The following NAALADL2 variants were observed in gnomAD, a reference collection of about 807,000 sequenced individuals.
NAALADL2 encodes inactive N-acetylated-alpha-linked acidic dipeptidase-like protein 2.
A neutral mutation model predicts 87.2 loss-of-function variants in NAALADL2; 76 were observed. The observed-to-expected ratio is 0.87, with a 90% confidence interval of 0.72 to 1.05. NAALADL2 has a LOEUF of 1.05. NAALADL2 is among the 50% of genes least tolerant of loss of function. NAALADL2 has a pLI of 0.00. For synonymous variants in NAALADL2, 354 were observed against 331.0 expected (o/e 1.07, Z -0.75); for missense variants, 1,089 against 945.8 (o/e 1.15, Z -1.99).
At chr3:174,850,186 A>AT (rs1048877676) in intron 3 of NAALADL2, among the ~76,000 whole-genome samples, 14 of 149,464 alleles carry the variant, frequency 9.4e-5, no homozygotes, top group South Asian at 4.2e-4. Context: ...GGTTGGAAGT[A>AT]TTTTTTTTTT....
chr3:175,511,606 G>T (rs1278180525), intron 9 of NAALADL2, among the ~76,000 whole-genome samples: 2 of 152,136 alleles, frequency 1.3e-5, no homozygotes, highest in African/African-American at 2.4e-5. Flanking sequence ...CACCCACTGT[G>T]TGGTATTTCT....
chr3:175,697,406 C>CACACACACACACAG (rs1322590527), intron 11 of NAALADL2, among the ~76,000 whole-genome samples: 1 of 148,754 alleles, frequency 6.7e-6, no homozygotes, highest in Non-Finnish European at 1.5e-5. Context: ...CACAGACACA[C>CACACACACACACAG]ACACACACAC....
chr3:175,016,368 C>T (rs1049332119), intron 1 of NAALADL2, among the ~76,000 whole-genome samples: 4 of 150,454 alleles, frequency 2.7e-5, no homozygotes, highest in African/African-American at 9.8e-5. Context: ...AGTAGCATAT[C>T]TATTGACAAG....
intron 1 of NAALADL2, among the ~76,000 whole-genome samples, chr3:174,488,135 A>T (rs1187924385): frequency 6.6e-6 from 1 of 152,028 alleles, no homozygotes; most frequent in African/African-American, 2.4e-5. Context: ...AAATATTATC[A>T]TTCTCCTGCC....
At chr3:175,718,370 A>G (rs1351749893) in intron 11 of NAALADL2, 5 of 1,599,572 alleles carry the variant, frequency 3.1e-6, no homozygotes, top group South Asian at 1.1e-5. Context: ...TCTTGGGTCC[A>G]CCACTCCATT....
intron 11 of NAALADL2, among the ~76,000 whole-genome samples, chr3:175,634,586 T>A (rs112755629): frequency 1.3e-3 from 197 of 149,896 alleles, no homozygotes; most frequent in African/African-American, 4.8e-3. Context: ...TTCAAAAATG[T>A]TAATCAGGCT....
chr3:174,447,141 T>A (rs761193420), intron 1 of NAALADL2, among the ~76,000 whole-genome samples: 1 of 152,206 alleles, frequency 6.6e-6, no homozygotes, highest in Non-Finnish European at 1.5e-5. Context: ...AGGCTCTGTT[T>A]ACAGGAGTTA....
intron 3 of NAALADL2, among the ~76,000 whole-genome samples, chr3:174,766,653 G>A (rs141696933): frequency 4.0e-4 from 61 of 152,168 alleles, no homozygotes; most frequent in South Asian, 3.3e-3. Context: ...AACACTAATT[G>A]CTTCTCTATT....
chr3:174,482,802 CAT>C (rs1449008423), intron 1 of NAALADL2, among the ~76,000 whole-genome samples: 4 of 151,994 alleles, frequency 2.6e-5, no homozygotes, highest in Non-Finnish European at 5.9e-5. Flanking sequence ...TTGTCTGAGA[CAT>C]ATGTGACATA....
intron 5 of NAALADL2, among the ~76,000 whole-genome samples, chr3:175,360,932 ATATG>A (rs1043291630): frequency 6.6e-6 from 1 of 151,460 alleles, no homozygotes; most frequent in African/African-American, 2.4e-5. Flanking sequence ...GGTTTGTTAA[ATATG>A]TATACATGTG....
intron 2 of NAALADL2, among the ~76,000 whole-genome samples, chr3:175,150,024 A>T (rs1174440489): frequency 6.6e-6 from 1 of 152,178 alleles, no homozygotes; most frequent in Non-Finnish European, 1.5e-5. Context: ...CACAGTTATT[A>T]TCATGCTACT....
intron 10 of NAALADL2, among the ~76,000 whole-genome samples, chr3:175,626,838 C>T (rs986597341): frequency 2.4e-4 from 37 of 151,810 alleles, no homozygotes; most frequent in African/African-American, 6.8e-4. Context: ...TCTAAGTCTA[C>T]GTGTGTTTCA....
intron 2 of NAALADL2, among the ~76,000 whole-genome samples, chr3:175,156,169 G>T (rs1328241292): frequency 2.0e-5 from 3 of 152,138 alleles, no homozygotes; most frequent in South Asian, 2.1e-4. Context: ...TTAAATGGTT[G>T]TGAGGGAGGA....
At chr3:175,581,891 G>T (rs62284485) in intron 10 of NAALADL2, among the ~76,000 whole-genome samples, 19,324 of 152,166 alleles carry the variant, frequency 0.13, 1,388 homozygotes, top group Middle Eastern at 0.17. Flanking sequence ...CTTATTCAAA[G>T]ATTTGAGCTG....
At chr3:174,935,945 T>C (rs1737626805) in intron 1 of NAALADL2, among the ~76,000 whole-genome samples, 1 of 152,202 alleles carries the variant, frequency 6.6e-6, no homozygotes. Context: ...ATGCATTTGC[T>C]ATATTTCTTT....
chr3:175,467,710 T>C (rs2149281591), intron 8 of NAALADL2, among the ~76,000 whole-genome samples: 1 of 152,292 alleles, frequency 6.6e-6, no homozygotes, highest in Non-Finnish European at 1.5e-5. Flanking sequence ...TTCTGTCTCC[T>C]ACCTGCCTAT....
chr3:175,756,129 C>T (rs62286119), intron 13 of NAALADL2, among the ~76,000 whole-genome samples: 14,345 of 152,028 alleles, frequency 0.094, 712 homozygotes, highest in African/African-American at 0.12. Flanking sequence ...AACCATCTTA[C>T]ACCAGTCAGA....
At chr3:175,257,903 A>G (rs1750291064) in intron 4 of NAALADL2, among the ~76,000 whole-genome samples, 1 of 152,186 alleles carries the variant, frequency 6.6e-6, no homozygotes, top group South Asian at 2.1e-4. Context: ...TATTATATTA[A>G]TCTTCAAAAT....
At chr3:175,285,396 G>C (rs1259200972) in intron 4 of NAALADL2, among the ~76,000 whole-genome samples, 1 of 151,994 alleles carries the variant, frequency 6.6e-6, no homozygotes, top group Non-Finnish European at 1.5e-5. Context: ...TTTTGTTAAA[G>C]TAAAACAATA....
Sources: allele counts gnomAD v4.1 joint callset (sites outside exome capture counted in the v4.1 genomes callset), GRCh38; gene constraint gnomAD v4.1.1; transcripts MANE v1.5; gene names NCBI Gene and HGNC (gene_info 2026-07-23, HGNC 2026-07-21).